Variants in HCN1 observed in about 807,000 individuals in gnomAD.
The protein encoded by HCN1 is hyperpolarization activated cyclic nucleotide gated potassium channel 1.
In HCN1, 13 loss-of-function variants were observed where a neutral mutation model predicts 78.9. The observed-to-expected ratio is 0.16, with a 90% CI of 0.11 to 0.26. The LOEUF (loss-of-function observed/expected upper bound fraction) is 0.26. HCN1 is among the 10% of genes least tolerant of loss of function. The pLI is 1.00. For synonymous variants in HCN1, 552 were observed against 455.5 expected, an observed-to-expected ratio of 1.21 and a Z score of -2.70; for missense variants, 810 against 1,154.3, an observed-to-expected ratio of 0.70 and a Z score of 4.32.
At chr5:45,308,295 A>G (rs1439106690) in intron 5 of HCN1, among the ~76,000 whole-genome samples, 2 of 152,136 alleles carry the variant, frequency 1.3e-5, no homozygotes, top group African/African-American at 2.4e-5. Flanking sequence ...AAATTTCTTT[A>G]TAAATAACTC....
chr5:45,688,369 G>A (rs1739847733), intron 1 of HCN1, among the ~76,000 whole-genome samples: 1 of 152,064 alleles, frequency 6.6e-6, no homozygotes, highest in Non-Finnish European at 1.5e-5. Flanking sequence ...ATGTCACCAT[G>A]TTCACGCTAC....
chr5:45,375,865 CTTATATATATTTTATCTTATAT>C (rs1747633010), intron 4 of HCN1, among the ~76,000 whole-genome samples: 13 of 108,852 alleles, frequency 1.2e-4, no homozygotes, highest in African/African-American at 4.5e-4. Context: ...TATGATATAT[CTTATATATATTTTATCTTATAT>C]ATTATATATG....
chr5:45,550,360 C>G (rs578173006), intron 2 of HCN1, among the ~76,000 whole-genome samples: 236 of 151,882 alleles, frequency 1.6e-3, no homozygotes, highest in Middle Eastern at 3.4e-3. Context: ...ACATGGATGA[C>G]CTGGAAACCA....
chr5:45,565,595 G>A (rs1043921524), intron 2 of HCN1, among the ~76,000 whole-genome samples: 26 of 152,078 alleles, frequency 1.7e-4, no homozygotes, highest in Non-Finnish European at 2.5e-4. Context: ...GGCTGAGGAA[G>A]GACAATTGCT....
intron 2 of HCN1, among the ~76,000 whole-genome samples, chr5:45,584,574 A>G (rs982876978): frequency 2.1e-4 from 32 of 152,034 alleles, no homozygotes; most frequent in East Asian, 1.9e-4. Context: ...CTGTCATTAT[A>G]ATGTTAGCTG....
chr5:45,412,260 T>C (rs1383225860), intron 3 of HCN1, among the ~76,000 whole-genome samples: 1 of 152,128 alleles, frequency 6.6e-6, no homozygotes, highest in Non-Finnish European at 1.5e-5. Flanking sequence ...TTCACTTTTC[T>C]TTGGGCACTG....
chr5:45,441,410 AAGGGAGGG>A (rs368793201), intron 3 of HCN1, among the ~76,000 whole-genome samples: 17 of 140,496 alleles, frequency 1.2e-4, no homozygotes, highest in Admixed American at 9.9e-4. Context: ...AGAAGGAAGG[AAGGGAGGG>A]AGGGAGGGAG....
chr5:45,480,797 T>C (rs928785148), intron 2 of HCN1, among the ~76,000 whole-genome samples: 1 of 152,144 alleles, frequency 6.6e-6, no homozygotes, highest in African/African-American at 2.4e-5. Context: ...AGGAAAACAA[T>C]TAAGAGAGAT....
Position 45,376,349 on chromosome 5 carries a change from TAG to T in HCN1, c.1230+20141_1230+20142del, listed in dbSNP as rs374514550. Among the ~76,000 whole-genome samples the T allele has an allele frequency of 1.2e-3, 129 of 109,380 alleles. 1 individual carries two copies. Among genetic ancestry groups the T allele is most frequent in the East Asian group, 5.5e-3 (23 of 4,192 alleles). The allele number at this position is 109,380 out of a possible 152,430, so 71.8% of individuals were successfully genotyped here. ...ATATATAACATATATTATATATATA[TAG>T]AGAGAGAGAGAGAGAGAGAGAGAAA... On this transcript the variant is annotated intron_variant, in intron 4 of 7. Transcript: ENST00000303230.
rs80124556 is a variant in HCN1, at chr5:45,611,505, C to A, written c.849+33680G>T. Among the ~76,000 whole-genome samples the A allele has an allele frequency of 4.9e-4, 74 of 151,984 alleles. No homozygotes were observed. In the East Asian group the frequency reaches 0.011, roughly 22 times the overall value. On this transcript the variant is annotated intron_variant, in intron 2 of 7. Coordinates refer to ENST00000303230, the MANE Select transcript of HCN1 (RefSeq NM_021072.4). ...CAGGCTGGTCTTGAACTCCTGAGCT[C>A]AAGTGACTTGCTCGCTTCAGTCTCC...
chr5:45,565,919 T>G (rs1418862300), intron 2 of HCN1, among the ~76,000 whole-genome samples: 3 of 152,218 alleles, frequency 2.0e-5, no homozygotes, highest in Non-Finnish European at 4.4e-5. Context: ...AAAATTACTT[T>G]GAAGAGTATC....
chr5:45,466,562 T>A (rs1741274585), intron 2 of HCN1, among the ~76,000 whole-genome samples: 3 of 152,172 alleles, frequency 2.0e-5, no homozygotes, highest in African/African-American at 7.2e-5. Flanking sequence ...TTTCTCTTTA[T>A]ATTTCGGCAC....
At chr5:45,456,901 T>C (rs1311602862) in intron 3 of HCN1, among the ~76,000 whole-genome samples, 1 of 152,066 alleles carries the variant, frequency 6.6e-6, no homozygotes, top group Non-Finnish European at 1.5e-5. Context: ...CATCATTTAT[T>C]TGTTATGCTC....
chr5:45,677,109 C>T (rs1467370684), intron 1 of HCN1, among the ~76,000 whole-genome samples: 4 of 151,824 alleles, frequency 2.6e-5, no homozygotes, highest in Non-Finnish European at 2.9e-5. Context: ...ACTCCCACAT[C>T]TTCATGGAGG....
chr5:45,381,836 T>C (rs1424437666), intron 4 of HCN1, among the ~76,000 whole-genome samples: 1 of 152,120 alleles, frequency 6.6e-6, no homozygotes, highest in Non-Finnish European at 1.5e-5. Flanking sequence ...ACAGCCAACA[T>C]GGTCTTTTCA....
chr5:45,332,368 G>A (rs1329801859), intron 5 of HCN1, among the ~76,000 whole-genome samples: 1 of 151,180 alleles, frequency 6.6e-6, no homozygotes, highest in African/African-American at 2.4e-5. Context: ...ATTTTTAAAT[G>A]TACGGTGAAG....
intron 2 of HCN1, among the ~76,000 whole-genome samples, chr5:45,485,976 T>C (rs529489874): frequency 6.6e-6 from 1 of 152,316 alleles, no homozygotes; most frequent in East Asian, 1.9e-4. Context: ...TTTACCATTG[T>C]ATTTGAGTTA....
intron 2 of HCN1, among the ~76,000 whole-genome samples, chr5:45,540,569 A>T (rs1743083042): frequency 1.3e-5 from 2 of 152,082 alleles, no homozygotes; most frequent in Admixed American, 6.6e-5. Flanking sequence ...TACTCAAGGG[A>T]TCTACCTGCC....
At chr5:45,635,216 T>C (rs550407819) in intron 2 of HCN1, among the ~76,000 whole-genome samples, 7 of 152,078 alleles carry the variant, frequency 4.6e-5, no homozygotes, top group Admixed American at 1.3e-4. Flanking sequence ...AGCACTTTCA[T>C]ATGAATTTTC....
Sources: gnomAD v4.1 joint callset for allele counts (sites outside exome capture counted in the v4.1 genomes callset) on GRCh38, gnomAD v4.1.1 for gene constraint, MANE v1.5 for transcripts, NCBI Gene and HGNC (gene_info 2026-07-23, HGNC 2026-07-21) for gene names.